PON1: variants seen among roughly 807,000 people sequenced by gnomAD.
PON1 encodes the protein paraoxonase 1.
In PON1, 37 loss-of-function variants were observed where a neutral mutation model predicts 39.2. The ratio of observed to expected loss-of-function variants is 0.94; its 90% CI spans 0.73 to 1.24. The LOEUF (loss-of-function observed/expected upper bound fraction) is 1.24, where lower values mean the gene tolerates loss of function less well. PON1 is among the 50% of genes most tolerant of loss of function. The pLI, the probability that PON1 is intolerant of heterozygous loss-of-function variation, is 0.00. For missense variants in PON1, 397 were observed against 413.5 expected (o/e 0.96, Z 0.35); for synonymous variants, 148 against 152.2 (o/e 0.97, Z 0.21).
rs187549855 is a variant in PON1, at chr7:95,308,328, G to A, written c.498-117C>T. On this transcript the variant is annotated intron_variant, in intron 5 of 8. Coordinates refer to ENST00000222381, the MANE Select transcript of PON1 (RefSeq NM_000446.7). Reference sequence around the variant, plus strand: ...AATCAAGATGTGGGATGGAGCCTTCGTGCTAGCTATAATGGAACACAATTA... The same window carrying A: ...AATCAAGATGTGGGATGGAGCCTTCATGCTAGCTATAATGGAACACAATTA... 1.2e-5 allele frequency: 11 copies of A among 911,726 alleles called. No homozygotes were observed. In the East Asian group the frequency reaches 1.8e-4, roughly 15 times the overall value. 56.5% of individuals were successfully genotyped at this position (911,726 alleles called of 1,614,324 possible).
chr7:95,316,821 G>T (rs1158919091), intron 2 of PON1, 32 bp from the exon 3 acceptor site: 2 of 1,563,986 alleles, frequency 1.3e-6, no homozygotes, highest in African/African-American at 1.4e-5. Flanking sequence ...AGTACAGGTT[G>T]TTTCATATTA....
At chr7:95,302,041 G>A (rs1219244564) in intron 8 of PON1, among the ~76,000 whole-genome samples, 164 bp downstream of exon 8, 2 of 136,752 alleles carry the variant, frequency 1.5e-5, no homozygotes, top group African/African-American at 2.8e-5. Flanking sequence ...AGCTTGCAGT[G>A]AGCCAAGATT....
chr7:95,298,881 G>A lies in PON1; in HGVS notation c.*63C>T, dbSNP rs577034896. The A allele has an allele frequency of 6.7e-5, 107 of 1,595,028 alleles. No individual in the cohort carries two copies. In the African/African-American group the frequency reaches 8.0e-4, roughly 12 times the overall value. On this transcript the variant is annotated 3_prime_UTR_variant, in exon 9 of 9. Coordinates refer to ENST00000222381, the MANE Select transcript of PON1 (RefSeq NM_000446.7). Reference sequence around the variant, plus strand: ...GTTCAGCTAAGAACACTGGGTCCTCGGAATATGGCAAGCGGTTGAAATAAT... The same window carrying A: ...GTTCAGCTAAGAACACTGGGTCCTCAGAATATGGCAAGCGGTTGAAATAAT...
At chr7:95,306,187 A>C in intron 7 of PON1, 98 bp downstream of exon 7, 1 of 1,042,172 alleles carries the variant, frequency 9.6e-7, no homozygotes, top group Non-Finnish European at 1.5e-6. Flanking sequence ...GTTCTCACCC[A>C]CCCCAATTAA....
intron 8 of PON1, among the ~76,000 whole-genome samples, chr7:95,301,976 G>A (rs945829954): frequency 2.7e-5 from 4 of 150,906 alleles, no homozygotes; most frequent in Admixed American, 6.6e-5. Context: ...ATGCGCCTGT[G>A]GTCCCAACTA....
chr7:95,309,957 A>G (rs910928152), intron 5 of PON1, among the ~76,000 whole-genome samples: 3 of 152,352 alleles, frequency 2.0e-5, no homozygotes, highest in Non-Finnish European at 4.4e-5. Flanking sequence ...TCAGTCTCCA[A>G]TGCTGCCTAA....
intron 8 of PON1, among the ~76,000 whole-genome samples, chr7:95,300,263 T>G (rs905202015): frequency 6.6e-6 from 1 of 152,226 alleles, no homozygotes; most frequent in Non-Finnish European, 1.5e-5. Flanking sequence ...CTGGGTCATG[T>G]CTTGGATCTT....
At chr7:95,319,916 T>C (rs531254981) in intron 1 of PON1, among the ~76,000 whole-genome samples, 1 of 152,340 alleles carries the variant, frequency 6.6e-6, no homozygotes, top group East Asian at 1.9e-4. Flanking sequence ...TCATAACTTT[T>C]CTGTTCAATT....
At chr7:95,306,096 T>G (rs2116305783) in intron 7 of PON1, among the ~76,000 whole-genome samples, 189 bp downstream of exon 7, 2 of 152,210 alleles carry the variant, frequency 1.3e-5, no homozygotes, top group Middle Eastern at 6.8e-3. Context: ...GGGTTTGCTG[T>G]TTGCCACTCT....
chr7:95,311,632 C>A lies in PON1; in HGVS notation c.371-55G>T, dbSNP rs1585696866. On this transcript the variant is annotated intron_variant, in intron 4 of 8. Coordinates refer to ENST00000222381, the MANE Select transcript of PON1 (RefSeq NM_000446.7). ...CATTAACTAAGCTCTCACTGTCAGC[C>A]CTCTCTCCAAAAACCAATTTCAACC... The A allele has an allele frequency of 3.7e-6, 6 of 1,609,186 alleles. No homozygotes were observed. The East Asian group carries it at 1.3e-4, about 36-fold the overall frequency.
Position 95,302,315 on chromosome 7 carries a change from G to T in PON1, c.799C>A (p.Leu267Ile). 6.2e-7 allele frequency: 1 copy of T among 1,607,850 alleles called. No individual in the cohort carries two copies. The highest frequency in any genetic ancestry group is 8.5e-7 in the Non-Finnish European group (1 of 1,174,720). The change falls in exon 8 of 9, where the codon CTC (leucine) becomes ATC (isoleucine). Residue 267 changes from leucine to isoleucine, a missense_variant. Transcript: ENST00000222381. ...GGATCCACAGATATGTTATCCACGA[G>T]GGTATTAAAGTCAAGGGACTTAAAA... ...TPLKSLDFNT[L>I]VDNISVDPET...
intron 2 of PON1, among the ~76,000 whole-genome samples, chr7:95,317,565 TAAAAG>T (rs1807795028): frequency 4.9e-5 from 2 of 40,628 alleles, no homozygotes; most frequent in Admixed American, 6.5e-4. Context: ...TGAATAATTC[TAAAAG>T]AACAAAAAAA....
chr7:95,312,450 G>C (rs940743035), intron 4 of PON1, among the ~76,000 whole-genome samples: 3 of 152,192 alleles, frequency 2.0e-5, no homozygotes, highest in African/African-American at 7.2e-5. Context: ...AGAGAAAGCT[G>C]CTAAAATGAT....
At chr7:95,324,243 AC>A (rs1255177032) in intron 1 of PON1, among the ~76,000 whole-genome samples, 158 bp downstream of exon 1, 1 of 152,210 alleles carries the variant, frequency 6.6e-6, no homozygotes, top group East Asian at 1.9e-4. Flanking sequence ...GTGACACATG[AC>A]GGCTGGACAA....
chr7:95,321,626 A>T (rs1437319026), intron 1 of PON1, among the ~76,000 whole-genome samples: 1 of 152,202 alleles, frequency 6.6e-6, no homozygotes, highest in Non-Finnish European at 1.5e-5. Flanking sequence ...AGTAAATTGC[A>T]TGTGGTTGCT....
At position 95,308,180 on chromosome 7, in the gene PON1, G is replaced by T. The variant is rs1807581041; in HGVS notation, c.529C>A (p.His177Asn). The part of the protein sequence containing the change: ...LNDIVAVGPE[H>N]FYGTNDHYFL... ...TAGTGATCATTTGTGCCATAAAAGTGCTCAGGTCCCACAGCAACAATATCA... is the reference window on the plus strand; with the variant it reads ...TAGTGATCATTTGTGCCATAAAAGTTCTCAGGTCCCACAGCAACAATATCA... Residue 177 changes from histidine (H) to asparagine (N), a missense_variant, in exon 6 of 9, where the codon CAC becomes AAC. Coordinates refer to ENST00000222381, the MANE Select transcript of PON1 (RefSeq NM_000446.7). 1 of 1,614,052 alleles carries T rather than the reference G, an allele frequency of 6.2e-7. No individual in the cohort carries two copies. Among genetic ancestry groups the T allele is most frequent in the Non-Finnish European group, 8.5e-7 (1 of 1,179,958 alleles).
At chr7:95,318,278 A>C (rs754188809) in intron 2 of PON1, 45 bp downstream of exon 2, 42 of 1,513,560 alleles carry the variant, frequency 2.8e-5, no homozygotes, top group Non-Finnish European at 3.6e-5. Context: ...GAGCAAAAAA[A>C]TACCGGAAGT....
intron 4 of PON1, among the ~76,000 whole-genome samples, chr7:95,314,157 G>A (rs759360095): frequency 6.6e-6 from 1 of 151,996 alleles, no homozygotes; most frequent in Non-Finnish European, 1.5e-5. Context: ...TCAGGAGTTC[G>A]AGACCAGCCT....
chr7:95,324,444 C>T lies in PON1; in HGVS notation c.32G>A (p.Gly11Glu). 1.2e-6 allele frequency: 2 copies of T among 1,614,166 alleles called. No individual in the cohort carries two copies. Among genetic ancestry groups the T allele is most frequent in the Non-Finnish European group, 1.7e-6 (2 of 1,180,034 alleles). The stretch of plus-strand genomic sequence containing the variant: ...GTTCCTGAAGAGTGCCAGTCCCATC[C>T]CCAAGAGGGTGAGCGCAATCAGCTT... MAKLIALTLL[G>E]MGLALFRNHQ... Residue 11 changes from glycine to glutamate, a missense_variant, in exon 1 of 9, where the codon GGG (glycine) becomes GAG (glutamate). Physicochemically the swap from Gly to Glu is moderately conservative, Grantham distance 98 (BLOSUM62 -2). Coordinates refer to ENST00000222381, the MANE Select transcript of PON1 (RefSeq NM_000446.7).
Sources: allele counts gnomAD v4.1 joint callset (sites outside exome capture counted in the v4.1 genomes callset), GRCh38; gene constraint gnomAD v4.1.1; transcripts MANE v1.5; gene names NCBI Gene and HGNC (gene_info 2026-07-23, HGNC 2026-07-21).